The following CCDC81 variants were observed in gnomAD, a reference collection of about 807,000 sequenced individuals.
CCDC81 encodes coiled-coil domain containing 81.
A neutral mutation model predicts 83.7 loss-of-function variants in CCDC81; 79 were observed. The observed-to-expected ratio is 0.94, with a 90% CI of 0.79 to 1.14. The LOEUF (loss-of-function observed/expected upper bound fraction) is 1.14. Among genes scored for constraint, CCDC81 ranks in the 50% most tolerant of loss-of-function variants. The pLI is 0.00. For synonymous variants in CCDC81, 252 were observed against 278.1 expected (o/e 0.91, Z 0.93); for missense variants, 791 against 778.1 (o/e 1.02, Z -0.20).
chr11:86,397,847 ATAT>A (rs1477564037), intron 6 of CCDC81, 105 bp downstream of exon 6: 1 of 1,296,466 alleles, frequency 7.7e-7, no homozygotes, highest in South Asian at 1.8e-5. Context: ...AATAATCACT[ATAT>A]TATTATTACT....
At chr11:86,412,741 T>C (rs952451293) in intron 11 of CCDC81, among the ~76,000 whole-genome samples, 182 bp downstream of exon 11, 1 of 152,204 alleles carries the variant, frequency 6.6e-6, no homozygotes, top group Non-Finnish European at 1.5e-5. Flanking sequence ...TCGCAGGGCA[T>C]GCAGTGGGGG....
At chr11:86,414,992 C>T in intron 12 of CCDC81, 101 bp from the exon 13 acceptor site, 6 of 1,445,514 alleles carry the variant, frequency 4.2e-6, no homozygotes, top group Non-Finnish European at 5.7e-6. Flanking sequence ...GCCCCGCATT[C>T]CTTCCTGTAA....
intron 7 of CCDC81, among the ~76,000 whole-genome samples, chr11:86,405,101 A>G (rs1948546661): frequency 6.6e-6 from 1 of 151,878 alleles, no homozygotes; most frequent in Non-Finnish European, 1.5e-5. Flanking sequence ...AATCCTCACT[A>G]TTTTTTTCTT....
rs1200880678 is a variant in CCDC81 at position 86,421,317 on chromosome 11, C to CT, written c.1818-1247dup. ...TCTTTTAAGACTGCCCTTGATAATCCTTTTTTTTTTGAGATGGTGTCTCAC... is the reference window on the plus strand; with the variant it reads ...TCTTTTAAGACTGCCCTTGATAATCCTTTTTTTTTTTGAGATGGTGTCTCAC... On this transcript the variant is annotated intron_variant, in intron 14 of 14. Coordinates refer to ENST00000445632, the MANE Select transcript of CCDC81 (RefSeq NM_001156474.2). Among the ~76,000 whole-genome samples, 640 of 149,526 alleles carry CT rather than the reference C, an allele frequency of 4.3e-3. 3 individuals are homozygous for CT. Among genetic ancestry groups the CT allele is most frequent in the African/African-American group, 0.013 (545 of 40,802 alleles).
intron 14 of CCDC81, among the ~76,000 whole-genome samples, chr11:86,422,071 C>T (rs1377232903): frequency 1.3e-5 from 2 of 152,228 alleles, no homozygotes; most frequent in South Asian, 4.1e-4. Context: ...CTCTTTGTCT[C>T]CACTCCCTCT....
chr11:86,418,856 T>C (rs930731796), intron 13 of CCDC81, among the ~76,000 whole-genome samples: 1 of 152,118 alleles, frequency 6.6e-6, no homozygotes, highest in Non-Finnish European at 1.5e-5. Context: ...TAGTAAATTT[T>C]GTTATGTGTT....
intron 5 of CCDC81, among the ~76,000 whole-genome samples, chr11:86,396,465 G>A (rs1283604483): frequency 6.6e-6 from 1 of 151,984 alleles, no homozygotes. Flanking sequence ...GGAAGTTTGG[G>A]GAATAACAAC....
intron 6 of CCDC81, among the ~76,000 whole-genome samples, chr11:86,399,933 G>A (rs1948461371): frequency 6.6e-6 from 1 of 151,256 alleles, no homozygotes; most frequent in South Asian, 2.1e-4. Context: ...AGCCAGCCTG[G>A]CCGACATGGC....
At chr11:86,382,604 G>T (rs1948190583) in intron 1 of CCDC81, among the ~76,000 whole-genome samples, 2 of 152,234 alleles carry the variant, frequency 1.3e-5, no homozygotes, top group South Asian at 4.2e-4. Context: ...TCTCAAAGAG[G>T]GGGTGGCAAG....
At chr11:86,400,934 G>C (rs1045218433) in intron 7 of CCDC81, 133 bp downstream of exon 7, 4 of 920,374 alleles carry the variant, frequency 4.3e-6, no homozygotes, top group Non-Finnish European at 6.3e-6. Flanking sequence ...TATGCAACAT[G>C]ATGGGAATAA....
intron 14 of CCDC81, among the ~76,000 whole-genome samples, chr11:86,422,289 G>A (rs12280833): frequency 3.3e-5 from 5 of 152,172 alleles, no homozygotes; most frequent in Admixed American, 6.5e-5. Context: ...TCTGCTGGCT[G>A]TGTGACCTTC....
chr11:86,403,568 G>A (rs1306444098), intron 7 of CCDC81, among the ~76,000 whole-genome samples: 1 of 152,176 alleles, frequency 6.6e-6, no homozygotes, highest in Non-Finnish European at 1.5e-5. Flanking sequence ...AAATGGAAAA[G>A]TGTAGCACAA....
intron 3 of CCDC81, among the ~76,000 whole-genome samples, chr11:86,388,483 T>C (rs1948279381): frequency 6.6e-6 from 1 of 152,166 alleles, no homozygotes; most frequent in Admixed American, 6.5e-5. Context: ...CCTGGATAAA[T>C]GGAGACAATC....
rs533104446 is a variant in CCDC81 at position 86,404,218 on chromosome 11, C to G, written c.882-3396C>G. ...ATTCGCCCCACCCCAGATTTTGAGG[C>G]CTAAGAGAAGTTATTAAAAAATAAA... On this transcript the variant is annotated intron_variant, in intron 7 of 14. Transcript: ENST00000445632. 7.9e-5 allele frequency among the ~76,000 whole-genome samples: 12 copies of G among 152,210 alleles called. No individual in the cohort carries two copies. The South Asian group carries it at 2.1e-3, about 26-fold the overall frequency.
chr11:86,409,443 T>C (rs139951781), intron 10 of CCDC81, 78 bp downstream of exon 10: 6,796 of 629,530 alleles, frequency 0.011, 64 homozygotes, highest in Non-Finnish European at 0.015. Flanking sequence ...TGTTGCAGGT[T>C]GTGCCTTATT....
At position 86,403,438 on chromosome 11, in the gene CCDC81, A is replaced by G. The variant is rs372852088; in HGVS notation, c.881+2637A>G. 5.3e-5 allele frequency among the ~76,000 whole-genome samples: 8 copies of G among 152,248 alleles called. No individual in the cohort carries two copies. The East Asian group carries it at 1.4e-3, about 26-fold the overall frequency. On this transcript the variant is annotated intron_variant, in intron 7 of 14. Transcript: ENST00000445632. ...ATTTACCAACCTGTCCAAGTCCCCA[A>G]ACACCATGTTTGGGAATGTCAGTCC...
rs929117172 is a variant in CCDC81 at position 86,415,337 on chromosome 11, C to G, written c.1691+24C>G. Reference sequence around the variant, plus strand: ...GAGTAAGGAGACCCCTGATCTTTCTCCCTCCACTTCTCCTCACTTATTCCG... The same window carrying G: ...GAGTAAGGAGACCCCTGATCTTTCTGCCTCCACTTCTCCTCACTTATTCCG... On this transcript the variant is annotated intron_variant, in intron 13 of 14. Transcript: ENST00000445632. 41 of 1,569,950 alleles carry G rather than the reference C, an allele frequency of 2.6e-5. No homozygotes were observed. The African/African-American group carries it at 4.2e-4, about 16-fold the overall frequency.
intron 4 of CCDC81, among the ~76,000 whole-genome samples, chr11:86,394,106 C>T (rs1330123913): frequency 1.3e-5 from 2 of 152,164 alleles, no homozygotes; most frequent in African/African-American, 4.8e-5. Flanking sequence ...AAAACCCTTG[C>T]TTTTCCATGA....
chr11:86,376,955 T>C (rs1490467764), intron 1 of CCDC81, among the ~76,000 whole-genome samples: 1 of 152,178 alleles, frequency 6.6e-6, no homozygotes, highest in East Asian at 1.9e-4. Flanking sequence ...CCCCTACCCC[T>C]AATCCCAAAA....
Sources: allele counts gnomAD v4.1 joint callset (sites outside exome capture counted in the v4.1 genomes callset), GRCh38; gene constraint gnomAD v4.1.1; transcripts MANE v1.5; gene names NCBI Gene and HGNC (gene_info 2026-07-23, HGNC 2026-07-21).